The following CPQ variants were observed in gnomAD, a reference collection of about 807,000 sequenced individuals.
CPQ encodes carboxypeptidase Q.
In CPQ, 37 loss-of-function variants were observed where a neutral mutation model predicts 45.7. The observed-to-expected ratio is 0.81, with a 90% CI of 0.62 to 1.07. The LOEUF is 1.07. Ranked by LOEUF, CPQ falls within the 50% of genes least tolerant of loss-of-function variation. CPQ has a pLI of 0.00. For missense variants in CPQ, 537 were observed against 572.9 expected, an observed-to-expected ratio of 0.94 and a Z score of 0.64; for synonymous variants, 186 against 205.8, an observed-to-expected ratio of 0.90 and a Z score of 0.82.
At chr8:97,053,107 A>G (rs1428049079) in intron 6 of CPQ, among the ~76,000 whole-genome samples, 1 of 152,172 alleles carries the variant, frequency 6.6e-6, no homozygotes, top group Non-Finnish European at 1.5e-5. Context: ...AATGGCATCT[A>G]GTTACATGCT....
intron 4 of CPQ, among the ~76,000 whole-genome samples, chr8:96,880,576 T>TATATATATATATATATATATATACACAC: frequency 1.2e-5 from 1 of 83,138 alleles, no homozygotes; most frequent in Admixed American, 1.4e-4. Context: ...TATATATATA[T>TATATATATATATATATATATATACACAC]ACCATGGAAT....
At chr8:96,743,761 G>A (rs1178004149) in intron 1 of CPQ, among the ~76,000 whole-genome samples, 4 of 152,092 alleles carry the variant, frequency 2.6e-5, no homozygotes, top group African/African-American at 4.8e-5. Context: ...TGCCCCTGCT[G>A]GGGGGTGCCT....
intron 1 of CPQ, among the ~76,000 whole-genome samples, chr8:96,709,256 T>C (rs537923713): frequency 3.3e-5 from 5 of 152,134 alleles, no homozygotes; most frequent in African/African-American, 9.6e-5. Flanking sequence ...TCCCACCCTC[T>C]CCGCTTCTGA....
intron 1 of CPQ, among the ~76,000 whole-genome samples, chr8:96,656,125 A>G (rs192626630): frequency 6.6e-6 from 1 of 152,336 alleles, no homozygotes; most frequent in East Asian, 1.9e-4. Flanking sequence ...AAATGCTGGA[A>G]TAACAGGCAT....
At chr8:97,020,671 C>G (rs533433744) in intron 5 of CPQ, among the ~76,000 whole-genome samples, 7 of 151,884 alleles carry the variant, frequency 4.6e-5, no homozygotes, top group African/African-American at 7.3e-5. Context: ...TAGCTTAGAT[C>G]GGAAAGAATT....
intron 2 of CPQ, among the ~76,000 whole-genome samples, chr8:96,799,558 G>A (rs532771348): frequency 4.6e-5 from 7 of 152,278 alleles, no homozygotes; most frequent in Admixed American, 2.6e-4. Flanking sequence ...AAAATTGGCG[G>A]TATGGGATCA....
intron 5 of CPQ, among the ~76,000 whole-genome samples, chr8:97,003,839 T>C (rs1195418232): frequency 2.0e-5 from 3 of 152,186 alleles, no homozygotes; most frequent in Non-Finnish European, 4.4e-5. Context: ...CTCATCATTC[T>C]GCTAAGTACT....
At chr8:97,113,427 G>A (rs1383045843) in intron 7 of CPQ, among the ~76,000 whole-genome samples, 3 of 152,174 alleles carry the variant, frequency 2.0e-5, no homozygotes, top group Non-Finnish European at 4.4e-5. Flanking sequence ...TGTTTGGTGA[G>A]AAGCAATTAC....
At chr8:96,918,303 G>GT (rs1812758857) in intron 4 of CPQ, among the ~76,000 whole-genome samples, 1 of 151,964 alleles carries the variant, frequency 6.6e-6, no homozygotes, top group Non-Finnish European at 1.5e-5. Context: ...ATTATTGTAG[G>GT]TAAGGATTTA....
At chr8:96,788,560 T>A (rs1810806512) in intron 2 of CPQ, among the ~76,000 whole-genome samples, 1 of 152,096 alleles carries the variant, frequency 6.6e-6, no homozygotes. Context: ...GGTTTTCTTT[T>A]TCTTTTGATT....
intron 5 of CPQ, among the ~76,000 whole-genome samples, chr8:97,013,286 CAAGTAAT>C (rs1809522436): frequency 6.6e-6 from 1 of 151,962 alleles, no homozygotes; most frequent in Non-Finnish European, 1.5e-5. Context: ...TCTCAAAAAA[CAAGTAAT>C]AACAATAATA....
At chr8:96,713,580 G>A (rs1338311461) in intron 1 of CPQ, among the ~76,000 whole-genome samples, 1 of 152,162 alleles carries the variant, frequency 6.6e-6, no homozygotes, top group Non-Finnish European at 1.5e-5. Context: ...CAGATCTTGT[G>A]AGAACTCACT....
Position 97,143,292 on chromosome 8 carries a change from C to CTTTG in CPQ, c.*109_*110insTTTG. On this transcript the variant is annotated 3_prime_UTR_variant, in exon 8 of 8. Coordinates refer to ENST00000220763, the MANE Select transcript of CPQ (RefSeq NM_016134.4). ...TTTCATCCAATTCATCTTCAAAGCA[C>CTTTG]AACTCTATTTCATGCTTTCTGTTAT... 2.0e-6 allele frequency: 2 copies of CTTTG among 998,244 alleles called. No individual in the cohort carries two copies. Among genetic ancestry groups the CTTTG allele is most frequent in the Non-Finnish European group, 1.5e-6 (1 of 672,494 alleles). 61.8% of individuals were successfully genotyped at this position (998,244 alleles called of 1,614,324 possible).
chr8:96,775,848 C>T (rs6985087), intron 1 of CPQ, among the ~76,000 whole-genome samples: 189 of 152,200 alleles, frequency 1.2e-3, no homozygotes, highest in African/African-American at 4.3e-3. Context: ...AGTGCTCCCC[C>T]CACATATTCA....
chr8:96,903,707 A>G (rs73696289), intron 4 of CPQ, among the ~76,000 whole-genome samples: 5,647 of 152,292 alleles, frequency 0.037, 362 homozygotes, highest in African/African-American at 0.13. Context: ...AATGAGTGCT[A>G]GCACCAGATT....
At chr8:96,837,008 A>ATTGGACTT (rs1563509426) in intron 3 of CPQ, among the ~76,000 whole-genome samples, 1 of 152,112 alleles carries the variant, frequency 6.6e-6, no homozygotes, top group Non-Finnish European at 1.5e-5. Flanking sequence ...ACATAATAAC[A>ATTGGACTT]TTGGACTTTA....
intron 4 of CPQ, among the ~76,000 whole-genome samples, chr8:96,922,393 C>T (rs1279963340): frequency 3.9e-5 from 6 of 152,186 alleles, no homozygotes; most frequent in African/African-American, 1.4e-4. Context: ...GCCTATAAAG[C>T]TGTTTGTTCA....
intron 4 of CPQ, among the ~76,000 whole-genome samples, chr8:96,914,376 T>C (rs1812705266): frequency 1.3e-5 from 2 of 152,154 alleles, no homozygotes; most frequent in Admixed American, 1.3e-4. Flanking sequence ...AACAGGGCCC[T>C]TTACAGAGCT....
At chr8:96,653,331 C>G (rs760050467) in intron 1 of CPQ, among the ~76,000 whole-genome samples, 1 of 152,162 alleles carries the variant, frequency 6.6e-6, no homozygotes, top group Non-Finnish European at 1.5e-5. Context: ...TGATGTTGAG[C>G]ATTTTTTAAT....
Sources: gnomAD v4.1 joint callset for allele counts (sites outside exome capture counted in the v4.1 genomes callset) on GRCh38, gnomAD v4.1.1 for gene constraint, MANE v1.5 for transcripts, NCBI Gene and HGNC (gene_info 2026-07-23, HGNC 2026-07-21) for gene names.